PREP: variants seen among roughly 807,000 people sequenced by gnomAD.
The protein encoded by PREP is dJ355L5.1 (prolyl endopeptidase).
Under a neutral mutation model 87.6 loss-of-function variants are expected in PREP, and 29 were observed. The ratio of observed to expected loss-of-function variants is 0.33; its 90% CI spans 0.25 to 0.45. The LOEUF (loss-of-function observed/expected upper bound fraction) is 0.45. Among genes scored for constraint, PREP ranks in the 20% least tolerant of loss-of-function variants. PREP has a pLI of 1.00. For missense variants in PREP, 695 were observed against 886.5 expected (o/e 0.78, Z 2.74); for synonymous variants, 337 against 328.6 (o/e 1.03, Z -0.28).
chr6:105,304,712 T>C (rs564575940), intron 10 of PREP, among the ~76,000 whole-genome samples: 1 of 152,170 alleles, frequency 6.6e-6, no homozygotes, highest in African/African-American at 2.4e-5. Context: ...ACCCTACATT[T>C]CAATTAAATA....
chr6:105,322,696 G>A (rs1771044379), intron 10 of PREP: 1 of 997,362 alleles, frequency 1.0e-6, no homozygotes, highest in Non-Finnish European at 1.2e-6. Flanking sequence ...CAATAAAACA[G>A]GAGGCCAGTT....
rs1483157586 is a variant in PREP at position 105,347,511 on chromosome 6, T to G, written c.823+5461A>C. The stretch of plus-strand genomic sequence containing the variant: ...AAGTTATTAGTATCTTCTGCTTTTC[T>G]AATAAAATTATTTAGAAATGTATCC... On this transcript the variant is annotated intron_variant, in intron 7 of 14. Coordinates refer to ENST00000652536, the MANE Select transcript of PREP (RefSeq NM_002726.5). Among the ~76,000 whole-genome samples the G allele has an allele frequency of 6.6e-5, 10 of 152,362 alleles. No homozygotes were observed. In the South Asian group the frequency reaches 1.4e-3, roughly 22 times the overall value.
In PREP at chr6:105,382,270, AACACACACACACAC is replaced by A. The variant is rs146759488; in HGVS notation, c.121-4765_121-4752del. ...GCTAAGAGGGATTTTAAGCGTTCTC[AACACACACACACAC>A]ACACACACACACACACACACACACA... On this transcript the variant is annotated intron_variant, in intron 2 of 14. Coordinates refer to ENST00000652536, the MANE Select transcript of PREP (RefSeq NM_002726.5). Among the ~76,000 whole-genome samples the A allele has an allele frequency of 8.9e-4, 128 of 143,092 alleles. 2 individuals are homozygous for A. The highest frequency in any genetic ancestry group is 7.5e-3 in the East Asian group (36 of 4,772). 93.9% of individuals were successfully genotyped at this position (143,092 alleles called of 152,430 possible). A position where few individuals can be genotyped will look rare whatever the true frequency, so the allele number is the denominator to read the frequency against.
At chr6:105,334,536 C>T (rs574123161) in intron 7 of PREP, among the ~76,000 whole-genome samples, 3 of 152,160 alleles carry the variant, frequency 2.0e-5, no homozygotes, top group South Asian at 4.2e-4. Flanking sequence ...CTGGCCAACA[C>T]GGTGAAACCC....
At chr6:105,319,408 G>A (rs1007142071) in intron 10 of PREP, among the ~76,000 whole-genome samples, 16 of 152,066 alleles carry the variant, frequency 1.1e-4, no homozygotes, top group African/African-American at 3.9e-4. Context: ...TTCTTTTCAG[G>A]TCTATAAATT....
At position 105,276,831 on chromosome 6, in the gene PREP, TGA is replaced by T. The variant is rs888367643; in HGVS notation, c.*1311_*1312del. ...TGACCATAACTTGAAACGTAGAGAA[TGA>T]GAGAGTGCTCTTAAAAGCACATACA... On this transcript the variant is annotated 3_prime_UTR_variant, in exon 15 of 15. Transcript: ENST00000652536. 6.6e-6 allele frequency among the ~76,000 whole-genome samples: 1 copy of T among 152,158 alleles called. No individual in the cohort carries two copies. The highest frequency in any genetic ancestry group is 1.5e-5 in the Non-Finnish European group (1 of 68,022).
chr6:105,290,642 C>T (rs983393452), intron 10 of PREP, among the ~76,000 whole-genome samples: 10 of 151,940 alleles, frequency 6.6e-5, no homozygotes, highest in African/African-American at 2.2e-4. Flanking sequence ...ACTTCCTCCT[C>T]CCATATCACT....
intron 2 of PREP, among the ~76,000 whole-genome samples, chr6:105,382,300 C>G (rs1334070087): frequency 1.3e-5 from 2 of 149,890 alleles, no homozygotes; most frequent in East Asian, 3.9e-4. Flanking sequence ...CACACACACA[C>G]ACACACACAC....
At chr6:105,336,236 G>C (rs1222742681) in intron 7 of PREP, among the ~76,000 whole-genome samples, 2 of 152,188 alleles carry the variant, frequency 1.3e-5, no homozygotes, top group Non-Finnish European at 2.9e-5. Flanking sequence ...CGCCAGCCTG[G>C]GCGACAGAAC....
At chr6:105,302,378 T>C (rs1770554732) in intron 10 of PREP, 2 of 208,608 alleles carry the variant, frequency 9.6e-6, no homozygotes, top group Non-Finnish European at 9.6e-6. Flanking sequence ...GTTGAATGAA[T>C]ACAGAATTGC....
intron 11 of PREP, among the ~76,000 whole-genome samples, chr6:105,288,031 C>A (rs181144404): frequency 2.0e-4 from 30 of 152,320 alleles, no homozygotes; most frequent in Middle Eastern, 3.4e-3. Flanking sequence ...AACGTTAAGA[C>A]AGTCTATTTT....
At chr6:105,387,042 G>A (rs765659698) in intron 2 of PREP, among the ~76,000 whole-genome samples, 29 of 152,120 alleles carry the variant, frequency 1.9e-4, no homozygotes, top group Non-Finnish European at 8.8e-5. Flanking sequence ...GTGAAACCCC[G>A]TCTCTACTAA....
At chr6:105,392,318 G>GTT (rs1393880640) in intron 2 of PREP, among the ~76,000 whole-genome samples, 1 of 152,108 alleles carries the variant, frequency 6.6e-6, no homozygotes, top group Non-Finnish European at 1.5e-5. Context: ...GATTACAGGC[G>GTT]TGAGCCCCCA....
At chr6:105,375,254 C>T (rs1772661184) in intron 4 of PREP, among the ~76,000 whole-genome samples, 1 of 152,166 alleles carries the variant, frequency 6.6e-6, no homozygotes, top group African/African-American at 2.4e-5. Flanking sequence ...GGCTCTATAA[C>T]TCCCATCTTA....
At chr6:105,378,834 CATT>C (rs1772761038) in intron 2 of PREP, among the ~76,000 whole-genome samples, 1 of 152,116 alleles carries the variant, frequency 6.6e-6, no homozygotes, top group Non-Finnish European at 1.5e-5. Context: ...GGGAAAAATG[CATT>C]ATTATCAGAG....
At chr6:105,382,530 T>C (rs1772872901) in intron 2 of PREP, among the ~76,000 whole-genome samples, 1 of 152,166 alleles carries the variant, frequency 6.6e-6, no homozygotes, top group Non-Finnish European at 1.5e-5. Context: ...TACTGTTCAC[T>C]TAAAAAAAAC....
At chr6:105,351,051 C>T (rs1246890871) in intron 7 of PREP, among the ~76,000 whole-genome samples, 2 of 152,202 alleles carry the variant, frequency 1.3e-5, no homozygotes, top group East Asian at 3.8e-4. Flanking sequence ...TACCACTGGA[C>T]TTGTTTGTTC....
intron 6 of PREP, among the ~76,000 whole-genome samples, chr6:105,364,188 C>T (rs1395470145): frequency 6.6e-6 from 1 of 152,194 alleles, no homozygotes; most frequent in African/African-American, 2.4e-5. Context: ...ATATTTTGTT[C>T]TGGACTGCAA....
At chr6:105,385,563 G>A (rs1013943606) in intron 2 of PREP, among the ~76,000 whole-genome samples, 1 of 152,068 alleles carries the variant, frequency 6.6e-6, no homozygotes, top group Non-Finnish European at 1.5e-5. Flanking sequence ...GAAACAAAAT[G>A]GGGGGAAAAA....
Sources: gnomAD v4.1 joint callset for allele counts (sites outside exome capture counted in the v4.1 genomes callset) on GRCh38, gnomAD v4.1.1 for gene constraint, MANE v1.5 for transcripts, NCBI Gene and HGNC (gene_info 2026-07-23, HGNC 2026-07-21) for gene names.